TRPM3: variants seen among roughly 807,000 people sequenced by gnomAD.
The protein encoded by TRPM3 is transient receptor potential cation channel subfamily M member 3.
A neutral mutation model predicts 181.2 loss-of-function variants in TRPM3; 77 were observed. The observed-to-expected ratio is 0.42, with a 90% confidence interval of 0.35 to 0.51. TRPM3 has a LOEUF of 0.51. Ranked by LOEUF, TRPM3 falls within the 20% of genes least tolerant of loss-of-function variation. The pLI, the probability that TRPM3 is intolerant of heterozygous loss-of-function variation, is 0.01. For synonymous variants in TRPM3, 745 were observed against 796.4 expected (o/e 0.94, Z 1.09); for missense variants, 1,759 against 2,196.7 (o/e 0.80, Z 3.98).
At chr9:70,562,778 T>G (rs2049458859) in intron 22 of TRPM3, among the ~76,000 whole-genome samples, 1 of 152,184 alleles carries the variant, frequency 6.6e-6, no homozygotes, top group Admixed American at 6.6e-5. Context: ...ACCTTAGTAT[T>G]TCATTATTTT....
At chr9:70,816,149 G>C (rs2092670875) in intron 6 of TRPM3, among the ~76,000 whole-genome samples, 1 of 152,130 alleles carries the variant, frequency 6.6e-6, no homozygotes, top group South Asian at 2.1e-4. Context: ...TCTGTATCTT[G>C]ATCTCTAAAA....
chr9:70,796,421 A>G (rs2087042934), intron 6 of TRPM3, among the ~76,000 whole-genome samples: 1 of 152,206 alleles, frequency 6.6e-6, no homozygotes, highest in Non-Finnish European at 1.5e-5. Context: ...AGAGACAGCA[A>G]TTACTTCTAC....
intron 1 of TRPM3, among the ~76,000 whole-genome samples, chr9:71,126,830 G>A (rs1331244607): frequency 6.6e-6 from 1 of 152,156 alleles, no homozygotes; most frequent in Non-Finnish European, 1.5e-5. Flanking sequence ...CAGAGAGTGG[G>A]TGAGTTTTTC....
In TRPM3 at chr9:70,975,663, T is replaced by C. The variant is rs139295976; in HGVS notation, c.178-111152A>G. 1.7e-3 allele frequency among the ~76,000 whole-genome samples: 257 copies of C among 152,294 alleles called. 1 individual carries two copies. Among genetic ancestry groups the C allele is most frequent in the African/African-American group, 5.7e-3 (238 of 41,572 alleles). ...CAGCTACAGCTCAAAGGTTAAAGAT[T>C]TGCATTCTGAGGTGTTAGAGTCACC... On this transcript the variant is annotated intron_variant, in intron 1 of 25. Transcript: ENST00000677713.
intron 1 of TRPM3, among the ~76,000 whole-genome samples, chr9:71,032,758 C>T (rs1451891797): frequency 6.6e-6 from 1 of 152,174 alleles, no homozygotes; most frequent in African/African-American, 2.4e-5. Context: ...TAGTACATGG[C>T]TATGCATACC....
intron 1 of TRPM3, among the ~76,000 whole-genome samples, chr9:71,054,120 T>A (rs1168328066): frequency 1.3e-5 from 2 of 152,130 alleles, no homozygotes. Flanking sequence ...AAACTGTAGC[T>A]GGCATTGGGG....
intron 19 of TRPM3, among the ~76,000 whole-genome samples, chr9:70,606,434 T>C (rs192376780): frequency 6.6e-6 from 1 of 152,278 alleles, no homozygotes; most frequent in African/African-American, 2.4e-5. Flanking sequence ...AGTTATTCTA[T>C]AATGAACTTT....
chr9:70,827,901 C>T lies in TRPM3; in HGVS notation c.919G>A (p.Val307Met). 2 of 1,614,178 alleles carry T rather than the reference C, an allele frequency of 1.2e-6. No homozygotes were observed. Among genetic ancestry groups the T allele is most frequent in the Non-Finnish European group, 1.7e-6 (2 of 1,180,008 alleles). ...NGTTGKYGAE[V>M]KLRRQLEKHI... is the part of the protein sequence containing the mutation. ...TTTTCCAGTTGTCTTCGAAGTTTCA[C>T]CTCTGCTCCATATTTTCCAGTGGTC... The change falls in exon 6 of 26, where the codon GTG becomes ATG. Residue 307 changes from valine (V) to methionine (M), a missense_variant. Transcript: ENST00000677713.
At chr9:70,591,230 A>G in intron 21 of TRPM3, 25 bp from the exon 22 acceptor site, 1 of 1,595,358 alleles carries the variant, frequency 6.3e-7, no homozygotes. Flanking sequence ...AAGCAGAGGG[A>G]GAAACAAGAG....
chr9:71,244,759 G>C (rs2081938366), intron 1 of TRPM3, among the ~76,000 whole-genome samples: 2 of 152,114 alleles, frequency 1.3e-5, no homozygotes, highest in Admixed American at 6.5e-5. Flanking sequence ...TTGGGGCAGG[G>C]AAGTGGGAAG....
intron 1 of TRPM3, among the ~76,000 whole-genome samples, chr9:71,353,518 GCATCTCAT>G (rs1175026312): frequency 2.6e-5 from 4 of 152,108 alleles, no homozygotes; most frequent in Non-Finnish European, 5.9e-5. Flanking sequence ...AACAGTCAGG[GCATCTCAT>G]CACTACCTGT....
chr9:70,868,146 C>T (rs1247370851), intron 1 of TRPM3, among the ~76,000 whole-genome samples: 2 of 151,936 alleles, frequency 1.3e-5, no homozygotes, highest in Non-Finnish European at 2.9e-5. Context: ...CCCCAGAAAA[C>T]CTCTCTGTAT....
intron 1 of TRPM3, among the ~76,000 whole-genome samples, chr9:71,339,649 C>T (rs1049160037): frequency 3.4e-4 from 51 of 152,144 alleles, no homozygotes; most frequent in African/African-American, 1.1e-3. Flanking sequence ...GTTCATCATG[C>T]CATACATAGC....
intron 1 of TRPM3, among the ~76,000 whole-genome samples, chr9:71,205,225 G>C (rs572278661): frequency 7.1e-6 from 1 of 141,192 alleles, no homozygotes; most frequent in African/African-American, 2.7e-5. Flanking sequence ...AGTAATGCAC[G>C]AATGTTTAAG....
In TRPM3 at chr9:70,893,125, T is replaced by C. The variant is rs146576449; in HGVS notation, c.178-28614A>G. ...TGTGCTGGACTGCTATTATTAATAT[T>C]ATATGTAGGGGAAGACATTTTCTGC... On this transcript the variant is annotated intron_variant, in intron 1 of 25. Coordinates refer to ENST00000677713, the MANE Select transcript of TRPM3 (RefSeq NM_001366145.2). Among the ~76,000 whole-genome samples the C allele has an allele frequency of 7.1e-3, 1,074 of 152,320 alleles. 8 individuals carry two copies. The highest frequency in any genetic ancestry group is 0.025 in the African/African-American group (1,030 of 41,552).
chr9:70,570,601 C>T lies in TRPM3; in HGVS notation c.3224-17291G>A, dbSNP rs150557240. 2.7e-3 allele frequency among the ~76,000 whole-genome samples: 413 copies of T among 152,270 alleles called. 1 individual carries two copies. The highest frequency in any genetic ancestry group is 9.0e-3 in the African/African-American group (373 of 41,568). ...ATGCTGGGATTACAGGCATAAGCCACGGCGTCCGGCCTTAGATATTTTAAA... is the reference window on the plus strand; with the variant it reads ...ATGCTGGGATTACAGGCATAAGCCATGGCGTCCGGCCTTAGATATTTTAAA... On this transcript the variant is annotated intron_variant, in intron 22 of 25. Transcript: ENST00000677713.
chr9:70,993,500 T>C (rs1042044548), intron 1 of TRPM3, among the ~76,000 whole-genome samples: 5 of 152,270 alleles, frequency 3.3e-5, no homozygotes, highest in Non-Finnish European at 5.9e-5. Flanking sequence ...GGATAATAAT[T>C]GGAAGAGGGG....
chr9:71,182,941 C>A (rs1587826992), intron 1 of TRPM3, among the ~76,000 whole-genome samples: 1 of 152,220 alleles, frequency 6.6e-6, no homozygotes. Flanking sequence ...GGATTACAGG[C>A]ATGAGCCACC....
rs533264363 is a variant in TRPM3 at position 70,787,919 on chromosome 9, C to T, written c.974-3640G>A. 2.6e-5 allele frequency among the ~76,000 whole-genome samples: 4 copies of T among 151,254 alleles called. No individual in the cohort carries two copies. The South Asian group carries it at 8.4e-4, about 32-fold the overall frequency. ...CATAGTGAACACACTCATGTAACCT[C>T]CACCCATATCAAGAAATAGAATATT... is the stretch of plus-strand genomic sequence containing the variant. On this transcript the variant is annotated intron_variant, in intron 6 of 25. Transcript: ENST00000677713.
Sources: gnomAD v4.1 joint callset for allele counts (sites outside exome capture counted in the v4.1 genomes callset) on GRCh38, gnomAD v4.1.1 for gene constraint, MANE v1.5 for transcripts, NCBI Gene and HGNC (gene_info 2026-07-23, HGNC 2026-07-21) for gene names.